Variants in CCZ1B observed in about 807,000 individuals in gnomAD.
CCZ1B encodes vacuolar fusion protein CCZ1 homolog B.
A neutral mutation model predicts 58.8 loss-of-function variants in CCZ1B; 25 were observed. The observed-to-expected ratio is 0.43, with a 90% CI of 0.31 to 0.59. The LOEUF is 0.59. Ranked by LOEUF, CCZ1B falls within the 20% of genes least tolerant of loss-of-function variation. CCZ1B has a pLI of 0.12. For synonymous variants in CCZ1B, 66 were observed against 173.2 expected, an observed-to-expected ratio of 0.38 and a Z score of 4.86; for missense variants, 180 against 501.5, an observed-to-expected ratio of 0.36 and a Z score of 6.12.
At chr7:6,812,932 A>G (rs748678393) in intron 9 of CCZ1B, 44 bp downstream of exon 9, 121 of 1,490,140 alleles carry the variant, frequency 8.1e-5, no homozygotes, top group Non-Finnish European at 1.1e-4. Context: ...GAGTCAAAAA[A>G]GAAAGAAAAC....
rs376938545 is a variant in CCZ1B at position 6,825,641 on chromosome 7, C to CCACA, written c.120+433_120+436dup. On this transcript the variant is annotated intron_variant, in intron 1 of 14. Coordinates refer to ENST00000316731, the MANE Select transcript of CCZ1B (RefSeq NM_198097.5). Reference sequence around the variant, plus strand: ...AGTCGCCGTCCCCACCTCAGAAAAACCACACACACACACACACACACACCC... The same window carrying CCACA: ...AGTCGCCGTCCCCACCTCAGAAAAACCACACACACACACACACACACACACACCC... Among the ~76,000 whole-genome samples, 430 of 87,248 alleles carry CCACA rather than the reference C, an allele frequency of 4.9e-3. 41 individuals carry two copies. Among genetic ancestry groups the CCACA allele is most frequent in the African/African-American group, 0.018 (391 of 21,170 alleles). The allele number at this position is 87,248 out of a possible 152,430, so 57.2% of individuals were successfully genotyped here. A position where few individuals can be genotyped will look rare whatever the true frequency, so the allele number is the denominator to read the frequency against.
rs1783072164 is a variant in CCZ1B at position 6,819,342 on chromosome 7, T to C, written c.698+424A>G. Reference sequence around the variant, plus strand: ...CCTCCGCCTCCCGGGTTCAAGTGATTCTCCTGCCTCAGCCTCCTGAGTAGC... The same window carrying C: ...CCTCCGCCTCCCGGGTTCAAGTGATCCTCCTGCCTCAGCCTCCTGAGTAGC... On this transcript the variant is annotated intron_variant, in intron 7 of 14. Transcript: ENST00000316731. 1.4e-5 allele frequency among the ~76,000 whole-genome samples: 2 copies of C among 147,270 alleles called. 1 individual carries two copies. The highest frequency in any genetic ancestry group is 1.4e-4 in the Admixed American group (2 of 14,806).
chr7:6,810,954 T>C (rs997490593), intron 10 of CCZ1B, among the ~76,000 whole-genome samples: 1 of 150,526 alleles, frequency 6.6e-6, no homozygotes, highest in Non-Finnish European at 1.5e-5. Context: ...AAGAAAGAAA[T>C]GCCAGAATGA....
intron 7 of CCZ1B, among the ~76,000 whole-genome samples, chr7:6,815,163 T>C (rs190336162): frequency 7.5e-6 from 1 of 132,560 alleles, no homozygotes; most frequent in Non-Finnish European, 1.6e-5. Flanking sequence ...TAAAAAAAAA[T>C]TTTTTTTTCT....
chr7:6,820,507 G>C (rs908552720), intron 6 of CCZ1B, among the ~76,000 whole-genome samples: 17 of 147,858 alleles, frequency 1.1e-4, no homozygotes, highest in African/African-American at 4.4e-4. Flanking sequence ...GGTATAGACA[G>C]AGTCTTGCTA....
At chr7:6,820,055 A>G in intron 6 of CCZ1B, 114 bp from the exon 7 acceptor site, 3 of 1,360,358 alleles carry the variant, frequency 2.2e-6, no homozygotes, top group South Asian at 2.6e-5. Context: ...ATTACATACT[A>G]GCAAACAGCA....
Position 6,823,791 on chromosome 7 carries a change from T to C in CCZ1B, c.390+298A>G, listed in dbSNP as rs1249372056. The C allele has an allele frequency of 9.9e-6, 4 of 406,080 alleles. No homozygotes were observed. The Middle Eastern group carries it at 2.2e-3, about 220-fold the overall frequency. 25.2% of individuals were successfully genotyped at this position (406,080 alleles called of 1,614,324 possible). ...GCCTTGACCTCCCAAAGTACTAGGA[T>C]TACAGGTGTGAGCCACTGTTCCCAG... On this transcript the variant is annotated intron_variant, in intron 4 of 14. Transcript: ENST00000316731.
At position 6,813,124 on chromosome 7, in the gene CCZ1B, G is replaced by A. The variant is rs907530141; in HGVS notation, c.781-87C>T. 5 of 1,039,702 alleles carry A rather than the reference G, an allele frequency of 4.8e-6. No homozygotes were observed. The African/African-American group carries it at 8.6e-5, about 18-fold the overall frequency. The allele number at this position is 1,039,702 out of a possible 1,614,324, so 64.4% of individuals were successfully genotyped here. On this transcript the variant is annotated intron_variant, in intron 8 of 14. Coordinates refer to ENST00000316731, the MANE Select transcript of CCZ1B (RefSeq NM_198097.5). ...GAAAAACAGCATTATCTACTAATTG[G>A]TTCCATGCCATTTGTCTTTTTCTTT...
rs1470612693 is a variant in CCZ1B, at chr7:6,822,324, C to T, written c.479G>A (p.Gly160Asp). ...GTFLKAMEDG[G>D]VKLLKERLEK... ...TAATCTTTCTTTCAGAAGCTTGACG[C>T]CTCCGTCTTCCATGGCTTTCAGAAA... The change falls in exon 6 of 15, where the codon GGC becomes GAC. Residue 160 changes from glycine (G) to aspartate (D), a missense_variant. By Grantham distance (94) the Gly-to-Asp change is moderately conservative (BLOSUM62 -1). Transcript: ENST00000316731. The T allele has an allele frequency of 6.3e-7, 1 of 1,591,434 alleles. No homozygotes were observed. The highest frequency in any genetic ancestry group is 2.2e-5 in the East Asian group (1 of 44,844).
intron 2 of CCZ1B, 32 bp downstream of exon 2, chr7:6,824,608 C>G (rs1583558934): frequency 6.2e-7 from 1 of 1,612,310 alleles, no homozygotes; most frequent in African/African-American, 1.4e-5. Context: ...TAAGAATTCA[C>G]TGAACGCTAA....
intron 1 of CCZ1B, among the ~76,000 whole-genome samples, chr7:6,825,290 T>G (rs1030464800): frequency 6.8e-6 from 1 of 146,848 alleles, no homozygotes; most frequent in Non-Finnish European, 1.5e-5. Context: ...CAGGCTGTAG[T>G]GCAGTGGCGC....
In CCZ1B at chr7:6,819,523, C is replaced by T. The variant is rs1260341498; in HGVS notation, c.698+243G>A. On this transcript the variant is annotated intron_variant, in intron 7 of 14. Coordinates refer to ENST00000316731, the MANE Select transcript of CCZ1B (RefSeq NM_198097.5). ...TGCTAAGATTACAGGTGTGAGCCACCGTGCCCAGCCTTTCATCTTTCATGC... is the reference window on the plus strand; with the variant it reads ...TGCTAAGATTACAGGTGTGAGCCACTGTGCCCAGCCTTTCATCTTTCATGC... Among the ~76,000 whole-genome samples, 16 of 149,154 alleles carry T rather than the reference C, an allele frequency of 1.1e-4. 2 individuals are homozygous for T. Among genetic ancestry groups the T allele is most frequent in the Admixed American group, 5.4e-4 (8 of 14,924 alleles).
At chr7:6,803,939 T>C (rs1182284882) in intron 12 of CCZ1B, among the ~76,000 whole-genome samples, 1 of 135,918 alleles carries the variant, frequency 7.4e-6, no homozygotes, top group African/African-American at 2.8e-5. Context: ...CAACTGAGAC[T>C]CTGTCTTAAA....
chr7:6,825,641 C>CACACA (rs1554259767), intron 1 of CCZ1B, among the ~76,000 whole-genome samples: 57 of 87,294 alleles, frequency 6.5e-4, no homozygotes, highest in African/African-American at 2.4e-3. Context: ...CTCAGAAAAA[C>CACACA]CACACACACA....
At chr7:6,823,408 A>G (rs1783143568) in intron 4 of CCZ1B, 48 bp from the exon 5 acceptor site, 4 of 1,603,488 alleles carry the variant, frequency 2.5e-6, no homozygotes, top group South Asian at 1.1e-5. Flanking sequence ...GGGAAAAACA[A>G]TGTCTACTGG....
chr7:6,810,179 T>C (rs182446793), intron 10 of CCZ1B, among the ~76,000 whole-genome samples: 6 of 149,062 alleles, frequency 4.0e-5, no homozygotes, highest in African/African-American at 1.0e-4. Flanking sequence ...ACCTGGCTGA[T>C]TTTTTGTATT....
chr7:6,804,928 A>G lies in CCZ1B; in HGVS notation c.1106+10T>C. On this transcript the variant is annotated intron_variant, in intron 12 of 14. Transcript: ENST00000316731. ...AATGCCTGAAAGTGAACCGAAAGCA[A>G]AGTACAAACCCAGACATCCTCTTGT... 7.1e-7 allele frequency: 1 copy of G among 1,409,910 alleles called. No individual in the cohort carries two copies. The highest frequency in any genetic ancestry group is 9.4e-7 in the Non-Finnish European group (1 of 1,063,092). The allele number at this position is 1,409,910 out of a possible 1,614,324, so 87.3% of individuals were successfully genotyped here.
Position 6,819,749 on chromosome 7 carries a change from C to G in CCZ1B, c.698+17G>C, listed in dbSNP as rs531384498. 160 of 1,394,220 alleles carry G rather than the reference C, an allele frequency of 1.1e-4. 2 individuals are homozygous for G. 86.4% of individuals were successfully genotyped at this position (1,394,220 alleles called of 1,614,324 possible). A position where few individuals can be genotyped will look rare whatever the true frequency, so the allele number is the denominator to read the frequency against. ...CTTAATTTCTTCTTTTAATACCATGCCTCGGGGTGTACCTACCAGATGAGC... is the reference window on the plus strand; with the variant it reads ...CTTAATTTCTTCTTTTAATACCATGGCTCGGGGTGTACCTACCAGATGAGC... On this transcript the variant is annotated intron_variant, in intron 7 of 14. Transcript: ENST00000316731.
At position 6,814,839 on chromosome 7, in the gene CCZ1B, T is replaced by C; in HGVS notation, c.705A>G (p.Gly235=). 6.2e-7 allele frequency: 1 copy of C among 1,603,722 alleles called. No homozygotes were observed. The highest frequency in any genetic ancestry group is 1.1e-5 in the South Asian group (1 of 90,034). Residue 235 remains glycine, a synonymous_variant, in exon 8 of 15, where the codon GGA becomes GGG. Coordinates refer to ENST00000316731, the MANE Select transcript of CCZ1B (RefSeq NM_198097.5). Reference sequence around the variant, plus strand: ...AAATTCTCATGTCATCTTGTTCTAATCCACTCCTGCAACAACAGAAAAGCA... The same window carrying C: ...AAATTCTCATGTCATCTTGTTCTAACCCACTCCTGCAACAACAGAAAAGCA... ...FLYNDQLIWS[G]LEQDDMRILY...
Sources: gnomAD v4.1 joint callset for allele counts (sites outside exome capture counted in the v4.1 genomes callset) on GRCh38, gnomAD v4.1.1 for gene constraint, MANE v1.5 for transcripts, NCBI Gene and HGNC (gene_info 2026-07-23, HGNC 2026-07-21) for gene names.